Variants in FRK observed in about 807,000 individuals in gnomAD.
FRK encodes tyrosine-protein kinase FRK.
Under a neutral mutation model 56.4 loss-of-function variants are expected in FRK, and 51 were observed. That is an observed-to-expected ratio of 0.90 (90% CI 0.72 to 1.14). The LOEUF is 1.14. Among genes scored for constraint, FRK ranks in the 50% most tolerant of loss-of-function variants. FRK has a pLI of 0.00. For missense variants in FRK, 570 were observed against 601.4 expected (o/e 0.95, Z 0.55); for synonymous variants, 245 against 217.9 (o/e 1.12, Z -1.10).
chr6:115,942,398 T>C lies in FRK; in HGVS notation c.*16A>G. Reference sequence around the variant, plus strand: ...TTTGTTTTGCTACTTTATTATTTGATATTCTTCTCCAGTGTTCATCTTATG... The same window carrying C: ...TTTGTTTTGCTACTTTATTATTTGACATTCTTCTCCAGTGTTCATCTTATG... On this transcript the variant is annotated 3_prime_UTR_variant, in exon 8 of 8. Transcript: ENST00000606080. The C allele has an allele frequency of 6.3e-7, 1 of 1,584,026 alleles. No individual in the cohort carries two copies. The highest frequency in any genetic ancestry group is 8.7e-7 in the Non-Finnish European group (1 of 1,153,838).
At chr6:115,951,051 G>T (rs1474443638) in intron 5 of FRK, among the ~76,000 whole-genome samples, 1 of 152,136 alleles carries the variant, frequency 6.6e-6, no homozygotes, top group African/African-American at 2.4e-5. Flanking sequence ...GACAGCATTA[G>T]GAGAAATACC....
chr6:115,978,546 C>T (rs1405138210), intron 2 of FRK, among the ~76,000 whole-genome samples: 1 of 152,118 alleles, frequency 6.6e-6, no homozygotes, highest in East Asian at 1.9e-4. Flanking sequence ...TTACCTAATT[C>T]CATGAAGAAA....
intron 1 of FRK, among the ~76,000 whole-genome samples, chr6:116,023,835 C>T (rs1260858327): frequency 6.6e-6 from 1 of 152,014 alleles, no homozygotes; most frequent in Non-Finnish European, 1.5e-5. Context: ...TATCAAATTC[C>T]ATTGAAATGT....
chr6:116,037,129 C>A (rs1342935602), intron 1 of FRK, among the ~76,000 whole-genome samples: 1 of 152,114 alleles, frequency 6.6e-6, no homozygotes, highest in Non-Finnish European at 1.5e-5. Flanking sequence ...TACTCTAATA[C>A]CCTACAGAAG....
chr6:115,967,459 A>G (rs960919345), intron 4 of FRK, 92 bp downstream of exon 4: 17 of 1,272,018 alleles, frequency 1.3e-5, no homozygotes, highest in African/African-American at 4.4e-5. Flanking sequence ...TGCTGCCAGT[A>G]TTAGCCACCC....
At chr6:115,998,343 C>T (rs893905111) in intron 2 of FRK, among the ~76,000 whole-genome samples, 3 of 152,184 alleles carry the variant, frequency 2.0e-5, no homozygotes, top group African/African-American at 7.2e-5. Flanking sequence ...AAACTTTGCT[C>T]TGTAGAACAA....
At chr6:116,079,191 T>A in the FRK span, among the ~76,000 whole-genome samples, 1 of 152,128 alleles carries the variant, frequency 6.6e-6, no homozygotes, top group East Asian at 1.9e-4. Flanking sequence ...AAGAGATTAT[T>A]CATAAGAGTT....
At chr6:116,014,302 C>T (rs932655299) in intron 1 of FRK, among the ~76,000 whole-genome samples, 6 of 151,758 alleles carry the variant, frequency 4.0e-5, no homozygotes, top group Non-Finnish European at 5.9e-5. Flanking sequence ...AGATAAAAGA[C>T]CACTTTAAGT....
chr6:115,944,878 T>TA (rs1160065630), intron 5 of FRK, among the ~76,000 whole-genome samples: 2 of 152,068 alleles, frequency 1.3e-5, no homozygotes, highest in Non-Finnish European at 2.9e-5. Flanking sequence ...CCTTCCTCCC[T>TA]ACCTTCACCC....
intron 2 of FRK, among the ~76,000 whole-genome samples, chr6:115,977,276 A>G (rs1398818460): frequency 2.0e-5 from 3 of 152,196 alleles, no homozygotes; most frequent in Non-Finnish European, 4.4e-5. Context: ...TTATTTTGAG[A>G]GAAGAAAGTA....
the FRK span, among the ~76,000 whole-genome samples, chr6:116,092,072 T>C: frequency 6.6e-6 from 1 of 152,190 alleles, no homozygotes; most frequent in Non-Finnish European, 1.5e-5. Context: ...CTGTCTCTGG[T>C]GCTTTTCTAG....
chr6:116,006,997 A>C (rs1562282586), intron 1 of FRK, among the ~76,000 whole-genome samples: 1 of 152,230 alleles, frequency 6.6e-6, no homozygotes, highest in Non-Finnish European at 1.5e-5. Flanking sequence ...TGTTTAGTGA[A>C]AGCTAATAAA....
At chr6:116,085,905 G>A in the FRK span, among the ~76,000 whole-genome samples, 1 of 152,166 alleles carries the variant, frequency 6.6e-6, no homozygotes, top group Non-Finnish European at 1.5e-5. Flanking sequence ...ATTTCCAGAA[G>A]AGAATAGTAG....
chr6:115,992,519 A>G (rs1405956549), intron 2 of FRK, among the ~76,000 whole-genome samples: 1 of 151,700 alleles, frequency 6.6e-6, no homozygotes, highest in Non-Finnish European at 1.5e-5. Context: ...AGTTTTGAAA[A>G]TTTCTTTTCT....
At chr6:116,098,751 A>G in the FRK span, among the ~76,000 whole-genome samples, 1 of 152,228 alleles carries the variant, frequency 6.6e-6, no homozygotes, top group Admixed American at 6.5e-5. Context: ...ATGTGCAGGG[A>G]AAATGAAATA....
At chr6:115,975,310 AAACTGGAAG>A in intron 2 of FRK, among the ~76,000 whole-genome samples, 1 of 152,152 alleles carries the variant, frequency 6.6e-6, no homozygotes, top group Admixed American at 6.6e-5. Flanking sequence ...AATCTCAACA[AAACTGGAAG>A]ATATGTATTA....
chr6:116,058,637 G>A (rs1430736859), intron 1 of FRK, among the ~76,000 whole-genome samples: 8 of 152,148 alleles, frequency 5.3e-5, no homozygotes, highest in South Asian at 2.1e-4. Context: ...TTGGCCGGGC[G>A]CGGTGGCTCA....
At chr6:115,977,704 C>T (rs1774038415) in intron 2 of FRK, among the ~76,000 whole-genome samples, 1 of 152,114 alleles carries the variant, frequency 6.6e-6, no homozygotes, top group Non-Finnish European at 1.5e-5. Context: ...TTAACTATCT[C>T]TTCCATATGG....
At chr6:116,049,798 C>T (rs1582758321) in intron 1 of FRK, among the ~76,000 whole-genome samples, 1 of 152,254 alleles carries the variant, frequency 6.6e-6, no homozygotes, top group Non-Finnish European at 1.5e-5. Flanking sequence ...TCAGTTATCC[C>T]TGACCATTGC....
Sources: gnomAD v4.1 joint callset for allele counts (sites outside exome capture counted in the v4.1 genomes callset) on GRCh38, gnomAD v4.1.1 for gene constraint, MANE v1.5 for transcripts, NCBI Gene and HGNC (gene_info 2026-07-23, HGNC 2026-07-21) for gene names.